Variants in GRIA3 observed in about 807,000 individuals in gnomAD.
GRIA3 encodes the protein glutamate receptor 3.
Under a neutral mutation model 63.0 loss-of-function variants are expected in GRIA3, and 3 were observed. That is an observed-to-expected ratio of 0.05 (90% CI 0.02 to 0.12). The LOEUF is 0.12. Among genes scored for constraint, GRIA3 ranks in the 10% least tolerant of loss-of-function variants. The pLI is 1.00. For missense variants in GRIA3, 347 were observed against 700.9 expected, an observed-to-expected ratio of 0.50 and a Z score of 5.70; for synonymous variants, 274 against 257.9, an observed-to-expected ratio of 1.06 and a Z score of -0.60.
chrX:123,453,721 T>A (rs776932382), intron 12 of GRIA3, among the ~76,000 whole-genome samples: 1 of 110,346 alleles, frequency 9.1e-6, no homozygotes, highest in Non-Finnish European at 1.9e-5. Flanking sequence ...TTTGATCCTA[T>A]GAGGAGATCA....
chrX:123,464,130 G>T (rs987940239), intron 12 of GRIA3, among the ~76,000 whole-genome samples: 2 of 110,665 alleles, frequency 1.8e-5, no homozygotes, highest in African/African-American at 3.3e-5. Context: ...AAAAAGAACC[G>T]TTGTAAAAAG....
intron 12 of GRIA3, among the ~76,000 whole-genome samples, chrX:123,432,676 CAG>C (rs200918758): frequency 0.013 from 1,480 of 112,106 alleles, 18 homozygotes; most frequent in African/African-American, 0.045. Flanking sequence ...AGAGATGTTT[CAG>C]AGTTTCAGAA....
chrX:123,219,013 G>C (rs1928229685), intron 2 of GRIA3, among the ~76,000 whole-genome samples: 1 of 111,875 alleles, frequency 8.9e-6, no homozygotes, highest in African/African-American at 3.3e-5. Flanking sequence ...GGCTGGAGGA[G>C]ATGGCACTTG....
intron 2 of GRIA3, among the ~76,000 whole-genome samples, chrX:123,249,180 T>C (rs774901844): frequency 4.1e-4 from 46 of 112,298 alleles, no homozygotes; most frequent in Non-Finnish European, 7.3e-4. Flanking sequence ...TGTGTCATAG[T>C]TTCTTTATGA....
At position 123,483,357 on chromosome X, in the gene GRIA3, C is replaced by T. The variant is rs148205410; in HGVS notation, c.*2+311C>T. ...GTGCAATTTTAAATGTTCTAGTAGTCATATGTTAAAAAGTAAAACAAGTGA... is the reference window on the plus strand; with the variant it reads ...GTGCAATTTTAAATGTTCTAGTAGTTATATGTTAAAAAGTAAAACAAGTGA... On this transcript the variant is annotated intron_variant, in intron 15 of 15. Coordinates refer to ENST00000620443, the MANE Select transcript of GRIA3 (RefSeq NM_007325.5). Among the ~76,000 whole-genome samples the T allele has an allele frequency of 0.016, 1,766 of 111,264 alleles. 39 individuals carry two copies. The highest frequency in any genetic ancestry group is 0.056 in the African/African-American group (1,709 of 30,605).
intron 14 of GRIA3, among the ~76,000 whole-genome samples, chrX:123,482,336 G>T (rs777016347): frequency 3.6e-5 from 4 of 112,194 alleles, no homozygotes; most frequent in Admixed American, 2.8e-4. Flanking sequence ...CACAGGGAGA[G>T]CAAGGGAGAA....
intron 12 of GRIA3, among the ~76,000 whole-genome samples, chrX:123,448,391 C>T (rs930840314): frequency 4.5e-5 from 5 of 111,511 alleles, no homozygotes; most frequent in Non-Finnish European, 7.5e-5. Flanking sequence ...GTCTCTCAAC[C>T]CAGATGATAG....
intron 2 of GRIA3, among the ~76,000 whole-genome samples, chrX:123,191,916 G>T (rs749652683): frequency 1.8e-5 from 2 of 111,259 alleles, no homozygotes; most frequent in Non-Finnish European, 3.8e-5. Context: ...CAAAACTAGG[G>T]ACTATGGGAA....
At chrX:123,380,956 G>T (rs1385778743) in intron 5 of GRIA3, among the ~76,000 whole-genome samples, 3 of 111,136 alleles carry the variant, frequency 2.7e-5, no homozygotes, top group Admixed American at 1.9e-4. Flanking sequence ...GATAGTTGTG[G>T]ATATGTGGCA....
intron 3 of GRIA3, among the ~76,000 whole-genome samples, chrX:123,267,562 T>C (rs1281441578): frequency 5.4e-5 from 6 of 111,955 alleles, no homozygotes; most frequent in Non-Finnish European, 1.9e-5. Flanking sequence ...AAGAGTAGCA[T>C]AGTATTATTT....
At chrX:123,433,164 C>T (rs1455286557) in intron 12 of GRIA3, among the ~76,000 whole-genome samples, 1 of 111,775 alleles carries the variant, frequency 8.9e-6, no homozygotes. Context: ...AAATTTAAAT[C>T]CATGTCAATT....
At chrX:123,433,310 T>C (rs767951622) in intron 12 of GRIA3, among the ~76,000 whole-genome samples, 15 of 111,684 alleles carry the variant, frequency 1.3e-4, no homozygotes, top group South Asian at 1.1e-3. Flanking sequence ...AGCAATAAGT[T>C]CAAGGGATAA....
intron 12 of GRIA3, among the ~76,000 whole-genome samples, chrX:123,441,058 A>G (rs1177452256): frequency 1.8e-5 from 2 of 112,241 alleles, no homozygotes; most frequent in Non-Finnish European, 3.8e-5. Context: ...GCAGAAAATA[A>G]AGAAGACAGG....
chrX:123,337,581 T>C (rs1036018149), intron 4 of GRIA3, among the ~76,000 whole-genome samples: 46 of 111,568 alleles, frequency 4.1e-4, no homozygotes, highest in African/African-American at 1.4e-3. Flanking sequence ...CTAAAAGACA[T>C]ACACATTTGC....
chrX:123,264,781 G>T (rs765034928), intron 3 of GRIA3, among the ~76,000 whole-genome samples: 2 of 111,954 alleles, frequency 1.8e-5, no homozygotes, highest in South Asian at 7.6e-4. Context: ...GGAGAAGAGG[G>T]CTCAGAGGAG....
chrX:123,347,875 G>C (rs905757832), intron 4 of GRIA3, among the ~76,000 whole-genome samples: 2 of 111,622 alleles, frequency 1.8e-5, no homozygotes, highest in African/African-American at 6.5e-5. Flanking sequence ...ACACTGTAAG[G>C]TATCATTTTA....
chrX:123,295,496 C>G (rs2044680283), intron 3 of GRIA3, among the ~76,000 whole-genome samples: 1 of 111,198 alleles, frequency 9.0e-6, no homozygotes, highest in South Asian at 3.8e-4. Context: ...CACTACCTAT[C>G]ATAACAAATG....
intron 3 of GRIA3, among the ~76,000 whole-genome samples, chrX:123,310,667 T>C (rs2044784155): frequency 8.9e-6 from 1 of 112,816 alleles, no homozygotes; most frequent in Non-Finnish European, 1.9e-5. Flanking sequence ...ATATTATCTT[T>C]CCTTTTTTTC....
chrX:123,312,840 AAAG>A (rs35305023), intron 3 of GRIA3, among the ~76,000 whole-genome samples: 23,951 of 111,470 alleles, frequency 0.21, 2,008 homozygotes, highest in South Asian at 0.31. Flanking sequence ...TTGAAAGTTA[AAAG>A]AAGACAAGTA....
Sources: allele counts gnomAD v4.1 joint callset (sites outside exome capture counted in the v4.1 genomes callset), GRCh38; gene constraint gnomAD v4.1.1; transcripts MANE v1.5; gene names NCBI Gene and HGNC (gene_info 2026-07-23, HGNC 2026-07-21).